Variants in DCHS2 observed in about 807,000 individuals in gnomAD.
The protein encoded by DCHS2 is dachsous cadherin-related 2.
A neutral mutation model predicts 182.4 loss-of-function variants in DCHS2; 142 were observed. The observed-to-expected ratio is 0.78, with a 90% CI of 0.68 to 0.89. The LOEUF (loss-of-function observed/expected upper bound fraction) is 0.89. Among genes scored for constraint, DCHS2 ranks in the 40% least tolerant of loss-of-function variants. DCHS2 has a pLI of 0.00. For synonymous variants in DCHS2, 1,740 were observed against 1,663.3 expected (o/e 1.05, Z -1.12); for missense variants, 4,319 against 4,198.6 (o/e 1.03, Z -0.79).
chr4:154,422,936 T>C, intron 1 of DCHS2, among the ~76,000 whole-genome samples: 1 of 152,188 alleles, frequency 6.6e-6, no homozygotes, highest in East Asian at 1.9e-4. Context: ...GTCTCCATTG[T>C]ACACACTCAG....
chr4:154,330,160 A>T (rs1736463366), intron 5 of DCHS2, among the ~76,000 whole-genome samples: 1 of 152,250 alleles, frequency 6.6e-6, no homozygotes, highest in Admixed American at 6.5e-5. Context: ...GCTGTCAGGA[A>T]GAAATGTAAT....
rs139477631 is a variant in DCHS2 at position 154,246,449 on chromosome 4, T to G, written c.6942-3677A>C. On this transcript the variant is annotated intron_variant, in intron 16 of 19. Coordinates refer to ENST00000357232, the MANE Select transcript of DCHS2 (RefSeq NM_001358235.2). ...TACATTTGAAAGTGAAGAGTGCTAG[T>G]CAAGTCCCTCTAGCCCACTCAGAGG... Among the ~76,000 whole-genome samples, 61 of 152,248 alleles carry G rather than the reference T, an allele frequency of 4.0e-4. 1 individual carries two copies. The East Asian group carries it at 0.012, about 29-fold the overall frequency.
At chr4:154,411,149 G>A (rs941355643) in intron 1 of DCHS2, among the ~76,000 whole-genome samples, 25 of 152,126 alleles carry the variant, frequency 1.6e-4, no homozygotes, top group African/African-American at 5.6e-4. Flanking sequence ...GAAAAATATT[G>A]CATGATCTCA....
chr4:154,455,935 C>G (rs971831906), intron 1 of DCHS2, among the ~76,000 whole-genome samples: 4 of 152,016 alleles, frequency 2.6e-5, no homozygotes, highest in Non-Finnish European at 5.9e-5. Flanking sequence ...ATTAAAAATA[C>G]AAAAATTAGC....
chr4:154,267,225 G>A (rs1234840029), intron 14 of DCHS2, among the ~76,000 whole-genome samples: 1 of 152,112 alleles, frequency 6.6e-6, no homozygotes, highest in Non-Finnish European at 1.5e-5. Flanking sequence ...CAAATACCAG[G>A]CAGGTGTGTG....
intron 3 of DCHS2, among the ~76,000 whole-genome samples, chr4:154,364,510 C>T (rs571668072): frequency 5.9e-5 from 9 of 152,256 alleles, no homozygotes; most frequent in African/African-American, 1.4e-4. Context: ...ACTAATTTCC[C>T]GCAAAAGTAT....
intron 10 of DCHS2, among the ~76,000 whole-genome samples, chr4:154,314,475 G>A (rs1027249995): frequency 2.0e-5 from 3 of 152,170 alleles, no homozygotes; most frequent in African/African-American, 4.8e-5. Context: ...GCCCCACTCC[G>A]GTCAAAGACA....
At chr4:154,325,996 A>AT (rs2111347767) in intron 7 of DCHS2, among the ~76,000 whole-genome samples, 1 of 152,288 alleles carries the variant, frequency 6.6e-6, no homozygotes, top group East Asian at 1.9e-4. Context: ...ATTCATTTTC[A>AT]TTGCTGTATA....
rs553605682 is a variant in DCHS2, at chr4:154,429,137, G to A, written c.2053-51693C>T. 5.3e-5 allele frequency among the ~76,000 whole-genome samples: 8 copies of A among 152,238 alleles called. No homozygotes were observed. The East Asian group carries it at 7.7e-4, about 15-fold the overall frequency. On this transcript the variant is annotated intron_variant, in intron 1 of 19. Transcript: ENST00000357232. Reference sequence around the variant, plus strand: ...TCCTATGCAACTATGAGGGGATATCGTTTAATGTCTCTAATCTGGCTTATG... The same window carrying A: ...TCCTATGCAACTATGAGGGGATATCATTTAATGTCTCTAATCTGGCTTATG...
Position 154,411,946 on chromosome 4 carries a change from G to A in DCHS2, c.2053-34502C>T, listed in dbSNP as rs542277982. ...TAAAAACACAGAATTATTCTTACAT[G>A]CAATTGACCCAATTAACATTTTATA... is the stretch of plus-strand genomic sequence containing the variant. On this transcript the variant is annotated intron_variant, in intron 1 of 19. Transcript: ENST00000357232. 2.8e-4 allele frequency among the ~76,000 whole-genome samples: 42 copies of A among 152,252 alleles called. No homozygotes were observed. The Middle Eastern group carries it at 0.01, about 37-fold the overall frequency.
At chr4:154,242,195 T>A (rs1249703383) in intron 17 of DCHS2, among the ~76,000 whole-genome samples, 1 of 152,202 alleles carries the variant, frequency 6.6e-6, no homozygotes, top group Non-Finnish European at 1.5e-5. Context: ...ACGTTGAAGA[T>A]AAGGTTATTC....
At chr4:154,378,133 G>T (rs562762040) in intron 1 of DCHS2, among the ~76,000 whole-genome samples, 1 of 152,252 alleles carries the variant, frequency 6.6e-6, no homozygotes, top group Admixed American at 6.5e-5. Context: ...ACACTGACAT[G>T]CCCAGAGGAA....
chr4:154,488,597 C>T (rs903953657), intron 1 of DCHS2, among the ~76,000 whole-genome samples: 1 of 75,392 alleles, frequency 1.3e-5, no homozygotes, highest in African/African-American at 3.4e-5. Context: ...CCTCATAAAG[C>T]TGTTAAAAAA....
chr4:154,450,295 C>T (rs527886955), intron 1 of DCHS2, among the ~76,000 whole-genome samples: 317 of 152,304 alleles, frequency 2.1e-3, no homozygotes, highest in Non-Finnish European at 3.3e-3. Flanking sequence ...TTGACTTGAA[C>T]GGTACTTGAA....
intron 1 of DCHS2, among the ~76,000 whole-genome samples, chr4:154,482,502 A>G (rs913956097): frequency 2.5e-4 from 38 of 152,152 alleles, no homozygotes; most frequent in Non-Finnish European, 4.3e-4. Context: ...AGACTTGGGG[A>G]AAAAAATGGG....
chr4:154,489,432 G>C lies in DCHS2; in HGVS notation c.1924C>G (p.Pro642Ala). ...CTCACCAGGCAGGTGGCAGAGAGTG[G>C]GGGCTCTCCGAGGTCCTGGGCCACC... ...KVVAQDLGEP[P>A]LSATCLVSIT... The change falls in exon 1 of 20, where the codon CCA becomes GCA. Residue 642 changes from proline to alanine, a missense_variant. By Grantham distance (27) the Pro-to-Ala change is conservative. Transcript: ENST00000357232. 6.4e-7 allele frequency: 1 copy of C among 1,551,734 alleles called. No homozygotes were observed. The highest frequency in any genetic ancestry group is 8.7e-7 in the Non-Finnish European group (1 of 1,147,002).
At chr4:154,422,636 A>C (rs949503974) in intron 1 of DCHS2, among the ~76,000 whole-genome samples, 1 of 152,160 alleles carries the variant, frequency 6.6e-6, no homozygotes, top group Non-Finnish European at 1.5e-5. Flanking sequence ...CTGTTTAGTA[A>C]TCTTCTGTTG....
chr4:154,486,188 G>T (rs1392844784), intron 1 of DCHS2, among the ~76,000 whole-genome samples: 1 of 152,160 alleles, frequency 6.6e-6, no homozygotes, highest in Non-Finnish European at 1.5e-5. Context: ...GTTTGCTAAT[G>T]GTTCTTGTCC....
intron 13 of DCHS2, among the ~76,000 whole-genome samples, chr4:154,272,691 C>T (rs1460022094): frequency 6.6e-6 from 1 of 152,164 alleles, no homozygotes; most frequent in African/African-American, 2.4e-5. Context: ...GTCAATTAAA[C>T]CTCTTTCCTT....
Sources: allele counts gnomAD v4.1 joint callset (sites outside exome capture counted in the v4.1 genomes callset), GRCh38; gene constraint gnomAD v4.1.1; transcripts MANE v1.5; gene names NCBI Gene and HGNC (gene_info 2026-07-23, HGNC 2026-07-21).